FNDC3A: variants seen among roughly 807,000 people sequenced by gnomAD.
FNDC3A encodes fibronectin type-III domain-containing protein 3A.
FNDC3A carries 32 observed loss-of-function variants against 148.9 expected under a neutral mutation model. The ratio of observed to expected loss-of-function variants is 0.21; its 90% CI spans 0.16 to 0.29. FNDC3A has a LOEUF of 0.29. Among genes scored for constraint, FNDC3A ranks in the 10% least tolerant of loss-of-function variants. FNDC3A has a pLI of 1.00. For synonymous variants in FNDC3A, 472 were observed against 473.6 expected (o/e 1.00, Z 0.04); for missense variants, 1,191 against 1,452.8 (o/e 0.82, Z 2.93).
chr13:49,159,360 G>GTT (rs1883939031), intron 8 of FNDC3A, among the ~76,000 whole-genome samples: 1 of 152,036 alleles, frequency 6.6e-6, no homozygotes, highest in African/African-American at 2.4e-5. Flanking sequence ...GGATTCCTAG[G>GTT]TATTTTATTC....
chr13:49,196,193 AT>A (rs1886145400), intron 19 of FNDC3A, among the ~76,000 whole-genome samples: 1 of 152,118 alleles, frequency 6.6e-6, no homozygotes, highest in Admixed American at 6.5e-5. Context: ...GACCATTATA[AT>A]GATGCGCCAC....
rs1432445925 is a variant in FNDC3A, at chr13:49,197,738, A to G, written c.2354A>G (p.Asn785Ser). 4 of 1,604,606 alleles carry G rather than the reference A, an allele frequency of 2.5e-6. No homozygotes were observed. Among genetic ancestry groups the G allele is most frequent in the East Asian group, 4.5e-5 (2 of 44,776 alleles). ...CTTAATTTAAAGGTTCCTTTGAGTA[A>G]TGGAACAGATGTCACTGAATATCGA... is the stretch of plus-strand genomic sequence containing the variant. ...AQVNWEVPLS[N>S]GTDVTEYRLE... The change falls in exon 21 of 26, where the codon AAT (asparagine) becomes AGT (serine). Residue 785 changes from asparagine to serine, a missense_variant. This residue lies in a region of FNDC3A where 751 missense variants were observed against 944.0 expected (regional missense o/e 0.80). Transcript: ENST00000492622.
At chr13:49,180,769 C>A (rs1412384394) in intron 14 of FNDC3A, among the ~76,000 whole-genome samples, 1 of 152,102 alleles carries the variant, frequency 6.6e-6, no homozygotes. Context: ...GTGGCTCACA[C>A]CTGTAATCCC....
chr13:49,165,144 A>G (rs1884383272), intron 8 of FNDC3A, among the ~76,000 whole-genome samples: 1 of 152,154 alleles, frequency 6.6e-6, no homozygotes, highest in African/African-American at 2.4e-5. Context: ...ACTATTTCAA[A>G]TTTATAATCT....
intron 2 of FNDC3A, among the ~76,000 whole-genome samples, chr13:49,054,885 T>C (rs1876113032): frequency 6.6e-6 from 1 of 152,166 alleles, no homozygotes; most frequent in African/African-American, 2.4e-5. Flanking sequence ...TTTATTTTTT[T>C]TTCTATTCAC....
rs71188348 is a variant in FNDC3A, at chr13:49,143,978, T to TTACTACTACTACTAC, written c.820-1780_820-1766dup. Reference sequence around the variant, plus strand: ...TGGGCAACATAGCAAGACCCCATCTTTACTACTACTACTACTACTACTACT... The same window carrying TTACTACTACTACTAC: ...TGGGCAACATAGCAAGACCCCATCTTTACTACTACTACTACTACTACTACTACTACTACTACTACT... On this transcript the variant is annotated intron_variant, in intron 7 of 25. Transcript: ENST00000492622. Among the ~76,000 whole-genome samples the TTACTACTACTACTAC allele has an allele frequency of 2.6e-4, 36 of 138,938 alleles. No homozygotes were observed. The South Asian group carries it at 2.8e-3, about 11-fold the overall frequency. The allele number at this position is 138,938 out of a possible 152,430, so 91.1% of individuals were successfully genotyped here. A position where few individuals can be genotyped will look rare whatever the true frequency, so the allele number is the denominator to read the frequency against.
chr13:49,119,085 A>G (rs1402844665), intron 4 of FNDC3A, among the ~76,000 whole-genome samples: 1 of 152,220 alleles, frequency 6.6e-6, no homozygotes, highest in African/African-American at 2.4e-5. Context: ...CAGGGTCGAC[A>G]GACACCTCAT....
At chr13:48,994,517 G>A (rs1241522223) in intron 1 of FNDC3A, among the ~76,000 whole-genome samples, 1 of 152,188 alleles carries the variant, frequency 6.6e-6, no homozygotes, top group Non-Finnish European at 1.5e-5. Flanking sequence ...AGTGGCTCAC[G>A]CCTGTAATGC....
intron 2 of FNDC3A, among the ~76,000 whole-genome samples, chr13:49,065,211 GCTCT>G (rs1877183030): frequency 6.6e-6 from 1 of 152,148 alleles, no homozygotes; most frequent in South Asian, 2.1e-4. Context: ...TGGTCAGGCA[GCTCT>G]CTCTCCCCAT....
Position 49,207,943 on chromosome 13 carries a change from A to G in FNDC3A, c.*548A>G, listed in dbSNP as rs185674639. The G allele has an allele frequency of 6.5e-6, 1 of 152,778 alleles. No individual in the cohort carries two copies. Among genetic ancestry groups the G allele is most frequent in the East Asian group, 1.9e-4 (1 of 5,190 alleles). The allele number at this position is 152,778 out of a possible 1,614,324, so 9.5% of individuals were successfully genotyped here. A position where few individuals can be genotyped will look rare whatever the true frequency, so the allele number is the denominator to read the frequency against. On this transcript the variant is annotated 3_prime_UTR_variant, in exon 26 of 26. Transcript: ENST00000492622. ...GGCTTAGAAACAAAAACTGGATGAA[A>G]GAGTATGCATGAAGAAAAGCTTCTT...
intron 5 of FNDC3A, among the ~76,000 whole-genome samples, chr13:49,135,526 A>AG (rs1179215126): frequency 6.6e-6 from 1 of 152,094 alleles, no homozygotes; most frequent in Non-Finnish European, 1.5e-5. Context: ...ATATGGTGTG[A>AG]GGTAGAGGTC....
At chr13:49,084,001 C>CT (rs1248289640) in intron 3 of FNDC3A, among the ~76,000 whole-genome samples, 4 of 152,198 alleles carry the variant, frequency 2.6e-5, no homozygotes, top group Non-Finnish European at 5.9e-5. Context: ...TTTAACAAGT[C>CT]TATCTGTGCA....
At chr13:48,988,049 CAAA>C (rs1311377237) in intron 1 of FNDC3A, 1 of 152,064 alleles carries the variant, frequency 6.6e-6, no homozygotes, top group Non-Finnish European at 1.5e-5. Context: ...TAAAAAAAGA[CAAA>C]GAAGGGCATT....
chr13:49,089,445 G>A (rs566994262), intron 3 of FNDC3A, among the ~76,000 whole-genome samples: 4 of 152,326 alleles, frequency 2.6e-5, no homozygotes, highest in African/African-American at 9.6e-5. Flanking sequence ...AAGAAAGAGA[G>A]ATTGTCTGGA....
intron 2 of FNDC3A, among the ~76,000 whole-genome samples, chr13:49,013,495 T>C (rs1952405342): frequency 3.3e-5 from 5 of 151,854 alleles, no homozygotes; most frequent in Admixed American, 3.3e-4. Context: ...TGTATATACA[T>C]GTACATGCGT....
At chr13:49,055,688 G>A (rs2137723578) in intron 2 of FNDC3A, among the ~76,000 whole-genome samples, 1 of 152,142 alleles carries the variant, frequency 6.6e-6, no homozygotes, top group Non-Finnish European at 1.5e-5. Flanking sequence ...TAACCTGGAA[G>A]CCCCCTGCCC....
At chr13:49,076,251 CT>C (rs551461270) in intron 3 of FNDC3A, among the ~76,000 whole-genome samples, 42 of 146,594 alleles carry the variant, frequency 2.9e-4, no homozygotes, top group Non-Finnish European at 3.0e-4. Context: ...TCTGTAAGTA[CT>C]TTTTTTTTTT....
chr13:49,158,856 G>C (rs988953927), intron 8 of FNDC3A, among the ~76,000 whole-genome samples: 1 of 152,142 alleles, frequency 6.6e-6, no homozygotes, highest in African/African-American at 2.4e-5. Flanking sequence ...AGTTTTCCCA[G>C]CACCATTTAT....
At chr13:49,188,711 A>C (rs1885720754) in intron 17 of FNDC3A, 78 bp downstream of exon 17, 2 of 868,762 alleles carry the variant, frequency 2.3e-6, no homozygotes, top group Non-Finnish European at 3.9e-6. Flanking sequence ...TGCCACTTCA[A>C]ATATTGAAAC....
Sources: allele counts gnomAD v4.1 joint callset (sites outside exome capture counted in the v4.1 genomes callset), GRCh38; gene constraint gnomAD v4.1.1; regional missense constraint gnomAD v4.1.1; transcripts MANE v1.5; gene names NCBI Gene and HGNC (gene_info 2026-07-23, HGNC 2026-07-21).